The following AP3D1 variants were observed in gnomAD, a reference collection of about 807,000 sequenced individuals.
The protein encoded by AP3D1 is adaptor related protein complex 3 subunit delta 1, also known as AP-3 complex subunit delta-1.
In AP3D1, 51 loss-of-function variants were observed where a neutral mutation model predicts 147.6. The observed-to-expected ratio is 0.35, with a 90% CI of 0.28 to 0.44. AP3D1 has a LOEUF of 0.44. Among genes scored for constraint, AP3D1 ranks in the 20% least tolerant of loss-of-function variants. AP3D1 has a pLI of 1.00. For missense variants in AP3D1, 1,421 were observed against 1,624.2 expected, an observed-to-expected ratio of 0.87 and a Z score of 2.15; for synonymous variants, 760 against 663.0, an observed-to-expected ratio of 1.15 and a Z score of -2.25.
chr19:2,107,032 G>A (rs1301303010), intron 31 of AP3D1, among the ~76,000 whole-genome samples: 1 of 152,144 alleles, frequency 6.6e-6, no homozygotes, highest in South Asian at 2.1e-4. Flanking sequence ...GGGAGGCCGA[G>A]GCAGACAGAT....
At chr19:2,109,785 A>G in intron 29 of AP3D1, 88 bp downstream of exon 29, 1 of 1,267,092 alleles carries the variant, frequency 7.9e-7, no homozygotes, top group African/African-American at 1.5e-5. Flanking sequence ...CCTGCCCAGA[A>G]GCCTCAGTCC....
At chr19:2,121,945 ACGGCTCTC>A in intron 11 of AP3D1, 66 bp from the exon 12 acceptor site, 1 of 1,512,564 alleles carries the variant, frequency 6.6e-7, no homozygotes. Flanking sequence ...GGCAGGGCCC[ACGGCTCTC>A]CGGGCCGGGT....
intron 24 of AP3D1, 91 bp from the exon 25 acceptor site, chr19:2,111,919 A>C: frequency 1.3e-6 from 2 of 1,582,468 alleles, no homozygotes; most frequent in Non-Finnish European, 1.7e-6. Context: ...AGGGCTGCTC[A>C]GGCTGAGGGT....
intron 24 of AP3D1, chr19:2,112,648 A>C (rs111731729): frequency 1.4e-5 from 7 of 516,652 alleles, no homozygotes; most frequent in African/African-American, 9.8e-5. Flanking sequence ...CAAATGAATA[A>C]ACTCTATGAG....
intron 16 of AP3D1, 128 bp downstream of exon 16, chr19:2,117,094 C>T: frequency 2.4e-6 from 3 of 1,234,158 alleles, no homozygotes. Flanking sequence ...GATATACCCG[C>T]CTGAGGCCTC....
intron 1 of AP3D1, among the ~76,000 whole-genome samples, chr19:2,159,443 C>T (rs573380683): frequency 2.0e-5 from 3 of 151,358 alleles, no homozygotes; most frequent in Non-Finnish European, 2.9e-5. Flanking sequence ...GGCTGGAGTG[C>T]GGTGGCGCGA....
intron 1 of AP3D1, among the ~76,000 whole-genome samples, chr19:2,163,760 GCGTGCGTACGTT>G (rs1355248725): frequency 6.6e-6 from 1 of 151,658 alleles, no homozygotes. Flanking sequence ...CCGAGGACGT[GCGTGCGTACGTT>G]CGTGCGTGCG....
rs1417345768 is a variant in AP3D1 at position 2,117,385 on chromosome 19, G to A, written c.1714-18C>T. 1.9e-6 allele frequency: 3 copies of A among 1,575,046 alleles called. No homozygotes were observed. Among genetic ancestry groups the A allele is most frequent in the South Asian group, 2.3e-5 (2 of 87,514 alleles). ...CAGGACGCCTGTGGGGGACACAGGG[G>A]TCACTGCTGGCACCTGCCCGGAAGG... On this transcript the variant is annotated intron_variant, in intron 15 of 31. Coordinates refer to ENST00000643116, the MANE Select transcript of AP3D1 (RefSeq NM_001261826.3).
chr19:2,120,495 G>A (rs575608751), intron 14 of AP3D1, among the ~76,000 whole-genome samples: 4 of 152,206 alleles, frequency 2.6e-5, no homozygotes, highest in African/African-American at 9.6e-5. Context: ...ACAGGGCTCA[G>A]AAGGGCTGCC....
rs140601611 is a variant in AP3D1 at position 2,142,701 on chromosome 19, G to A, written c.97-3987C>T. Among the ~76,000 whole-genome samples the A allele has an allele frequency of 2.8e-4, 42 of 152,218 alleles. 1 individual carries two copies. The highest frequency in any genetic ancestry group is 9.9e-4 in the African/African-American group (41 of 41,564). On this transcript the variant is annotated intron_variant, in intron 1 of 31. Transcript: ENST00000643116. ...GGGCCTGGGAGCTCACCCAGCTCAT[G>A]AGAGCAAAGCCCGGTCCCCCTCACC...
intron 12 of AP3D1, 108 bp from the exon 13 acceptor site, chr19:2,121,419 C>G (rs1175968445): frequency 5.0e-6 from 7 of 1,388,080 alleles, no homozygotes; most frequent in African/African-American, 2.8e-5. Context: ...CACAGGCGGA[C>G]CCGGATTCAC....
chr19:2,163,676 C>A (rs929757907), intron 1 of AP3D1, among the ~76,000 whole-genome samples: 2 of 152,076 alleles, frequency 1.3e-5, no homozygotes, highest in African/African-American at 4.8e-5. Context: ...CGCTATCCGA[C>A]GGGCCCGCCC....
intron 21 of AP3D1, 140 bp from the exon 22 acceptor site, chr19:2,114,442 C>G (rs971944913): frequency 6.8e-6 from 5 of 734,854 alleles, no homozygotes; most frequent in Non-Finnish European, 1.1e-5. Context: ...CAACATAGAT[C>G]TACTCAACAC....
At chr19:2,148,866 T>C (rs1490498999) in intron 1 of AP3D1, among the ~76,000 whole-genome samples, 2 of 152,254 alleles carry the variant, frequency 1.3e-5, no homozygotes. Context: ...ATGGAAACTT[T>C]TTTTGGAAAC....
chr19:2,114,300 G>C lies in AP3D1; in HGVS notation c.2426C>G (p.Pro809Arg). ...YRALDIDLDK[P>R]LADSEKLPIQ... is the part of the protein sequence containing the mutation. ...AGGCAGTTTCTCGCTGTCGGCTAAG[G>C]GCCTGGAGGAGGAATGACCGGGCCA... Residue 809 changes from proline (P) to arginine (R), a missense_variant and splice_region_variant, in exon 22 of 32, where the codon CCC (proline) becomes CGC (arginine). By Grantham distance (103) the Pro-to-Arg change is moderately radical. This residue lies in a region of AP3D1 where 791 missense variants were observed against 761.4 expected (regional missense o/e 1.04). Transcript: ENST00000643116. 1 of 1,610,528 alleles carries C rather than the reference G, an allele frequency of 6.2e-7. No individual in the cohort carries two copies. The highest frequency in any genetic ancestry group is 8.5e-7 in the Non-Finnish European group (1 of 1,178,984).
In AP3D1 at chr19:2,132,558, C is replaced by T; in HGVS notation, c.375G>A (p.Gln125=). 1 of 1,605,770 alleles carries T rather than the reference C, an allele frequency of 6.2e-7. No individual in the cohort carries two copies. ...QIRKDLSSPS[Q]YDTGVALTGL... is the part of the protein sequence containing the mutation. Reference sequence around the variant, plus strand: ...CCGTCAGTGCAACACCTGTGTCGTACTGGCTGGGGCTGCTCAAGTCCTGGA... The same window carrying T: ...CCGTCAGTGCAACACCTGTGTCGTATTGGCTGGGGCTGCTCAAGTCCTGGA... The change falls in exon 5 of 32, where the codon CAG becomes CAA. Residue 125 remains glutamine, a synonymous_variant. Transcript: ENST00000643116.
chr19:2,158,260 A>G (rs972257605), intron 1 of AP3D1, among the ~76,000 whole-genome samples: 42 of 151,434 alleles, frequency 2.8e-4, no homozygotes, highest in Non-Finnish European at 4.7e-4. Flanking sequence ...GTTTCACCAC[A>G]TTAGCCAGGA....
At chr19:2,127,266 T>C in intron 8 of AP3D1, 65 bp from the exon 9 acceptor site, 5 of 1,569,760 alleles carry the variant, frequency 3.2e-6, no homozygotes, top group Middle Eastern at 1.7e-4. Context: ...AGTGACCCAG[T>C]GCCGGCAGCT....
chr19:2,103,495 G>A (rs1180008358), intron 31 of AP3D1, among the ~76,000 whole-genome samples: 3 of 152,164 alleles, frequency 2.0e-5, no homozygotes, highest in East Asian at 3.8e-4. Context: ...AGAGAGGGAG[G>A]TACGCGGGGA....
Sources: gnomAD v4.1 joint callset for allele counts (sites outside exome capture counted in the v4.1 genomes callset) on GRCh38, gnomAD v4.1.1 for gene constraint, gnomAD v4.1.1 regional missense constraint, MANE v1.5 for transcripts, NCBI Gene and HGNC (gene_info 2026-07-23, HGNC 2026-07-21) for gene names.